Variants in DSCAML1 observed in about 807,000 individuals in gnomAD.
DSCAML1 encodes the protein cell adhesion molecule DSCAML1.
In DSCAML1, 38 loss-of-function variants were observed where a neutral mutation model predicts 200.5. The observed-to-expected ratio is 0.19, with a 90% confidence interval of 0.15 to 0.25. The LOEUF (loss-of-function observed/expected upper bound fraction) is 0.25, where lower values mean the gene tolerates loss of function less well. DSCAML1 is among the 10% of genes least tolerant of loss of function. The pLI, the probability that DSCAML1 is intolerant of heterozygous loss-of-function variation, is 1.00. For missense variants in DSCAML1, 2,223 were observed against 2,858.8 expected, an observed-to-expected ratio of 0.78 and a Z score of 5.07; for synonymous variants, 1,215 against 1,165.0, an observed-to-expected ratio of 1.04 and a Z score of -0.87.
intron 3 of DSCAML1, among the ~76,000 whole-genome samples, chr11:117,590,976 G>C (rs896514727): frequency 2.6e-5 from 4 of 152,170 alleles, no homozygotes; most frequent in Admixed American, 6.5e-5. Context: ...CAAAACAGGG[G>C]GAGTGATGAA....
At chr11:117,779,022 T>C (rs1044676848) in intron 2 of DSCAML1, among the ~76,000 whole-genome samples, 2 of 152,216 alleles carry the variant, frequency 1.3e-5, no homozygotes, top group African/African-American at 4.8e-5. Flanking sequence ...CCAGCTACTT[T>C]AAACCTTGCT....
intron 18 of DSCAML1, among the ~76,000 whole-genome samples, chr11:117,461,148 A>G (rs529796): frequency 0.63 from 95,304 of 150,154 alleles, 31,256 homozygotes; most frequent in East Asian, 0.91. Context: ...AGGAGTAGCT[A>G]GGTGTCTCCT....
At chr11:117,729,177 A>G (rs1299330858) in intron 3 of DSCAML1, among the ~76,000 whole-genome samples, 1 of 152,226 alleles carries the variant, frequency 6.6e-6, no homozygotes, top group Non-Finnish European at 1.5e-5. Flanking sequence ...GGAAAGGACA[A>G]TGTTTTCAAC....
chr11:117,429,569 T>A (rs1278017366), intron 32 of DSCAML1, among the ~76,000 whole-genome samples: 1 of 152,228 alleles, frequency 6.6e-6, no homozygotes, highest in Non-Finnish European at 1.5e-5. Context: ...AGATGGGGTT[T>A]TGCCATGTTG....
rs1458056788 is a variant in DSCAML1, at chr11:117,586,620, G to T, written c.512-54098C>A. On this transcript the variant is annotated intron_variant, in intron 3 of 32. Coordinates refer to ENST00000651296, the MANE Select transcript of DSCAML1 (RefSeq NM_020693.4). The stretch of plus-strand genomic sequence containing the variant: ...GATCTAGACAGGAGGCGGGAAGCAG[G>T]AGGATGACAGCGGGCCCAGTAGTGA... Among the ~76,000 whole-genome samples the T allele has an allele frequency of 2.0e-5, 3 of 152,194 alleles. 1 individual carries two copies. The East Asian group carries it at 5.8e-4, about 29-fold the overall frequency.
intron 1 of DSCAML1, among the ~76,000 whole-genome samples, chr11:117,811,239 G>A (rs2055758404): frequency 6.6e-6 from 1 of 152,002 alleles, no homozygotes; most frequent in African/African-American, 2.4e-5. Context: ...TGGCTCGTTC[G>A]GCAGCAACCC....
chr11:117,458,068 GC>G (rs1217175690), intron 19 of DSCAML1, among the ~76,000 whole-genome samples: 1 of 121,990 alleles, frequency 8.2e-6, no homozygotes, highest in Non-Finnish European at 1.9e-5. Context: ...CATGCACTGT[GC>G]CTCCCTGGCG....
intron 3 of DSCAML1, among the ~76,000 whole-genome samples, chr11:117,752,600 TTG>T (rs2054622195): frequency 6.6e-6 from 1 of 152,136 alleles, no homozygotes; most frequent in Admixed American, 6.5e-5. Flanking sequence ...TGGTGGTTGG[TTG>T]GAACTTGGGC....
chr11:117,767,414 C>G (rs968430313), intron 3 of DSCAML1, among the ~76,000 whole-genome samples: 1 of 152,216 alleles, frequency 6.6e-6, no homozygotes, highest in Non-Finnish European at 1.5e-5. Flanking sequence ...TCCTACAAAC[C>G]ATTCTTGCCA....
At chr11:117,461,401 G>T in intron 18 of DSCAML1, 49 bp downstream of exon 18, 1 of 1,612,490 alleles carries the variant, frequency 6.2e-7, no homozygotes, top group South Asian at 1.1e-5. Flanking sequence ...AGACTCCACT[G>T]ACCTGCGCCT....
rs751654112 is a variant in DSCAML1 at position 117,450,635 on chromosome 11, C to T, written c.3622G>A (p.Val1208Ile). 4.4e-5 allele frequency: 71 copies of T among 1,614,068 alleles called. No individual in the cohort carries two copies. The highest frequency in any genetic ancestry group is 5.8e-5 in the Non-Finnish European group (69 of 1,180,040). The change falls in exon 20 of 33, where the codon GTT becomes ATT. Residue 1208 changes from valine to isoleucine, a missense_variant. Val to Ile is a conservative substitution (Grantham distance 29). This residue lies in a region of DSCAML1 where 438 missense variants were observed against 629.7 expected (regional missense o/e 0.70). Transcript: ENST00000651296. ...TTGGTAGGGGGGAGCCAAGACACAA[C>T]CACACTGCTAGCTGATGAAGGGACA... The part of the protein sequence containing the change: ...KAVPSSASSV[V>I]VSWLPPTKPN...
intron 3 of DSCAML1, among the ~76,000 whole-genome samples, chr11:117,726,656 T>C (rs558235807): frequency 2.3e-4 from 35 of 152,102 alleles, no homozygotes; most frequent in African/African-American, 8.2e-4. Context: ...CAAGATCTAG[T>C]GTTCAAGCCA....
rs563270840 is a variant in DSCAML1 at position 117,645,888 on chromosome 11, C to T, written c.512-113366G>A. Among the ~76,000 whole-genome samples the T allele has an allele frequency of 4.0e-5, 6 of 151,776 alleles. No homozygotes were observed. The East Asian group carries it at 1.2e-3, about 29-fold the overall frequency. On this transcript the variant is annotated intron_variant, in intron 3 of 32. Transcript: ENST00000651296. ...TACATTGTGCACATGTACCCTAAAA[C>T]TTAAAGTATAATAATAAATAAATAA...
intron 16 of DSCAML1, among the ~76,000 whole-genome samples, chr11:117,467,248 C>T (rs550227488): frequency 7.0e-6 from 1 of 142,676 alleles, no homozygotes; most frequent in East Asian, 2.1e-4. Context: ...ACCAGGAACA[C>T]GTATCCAGAC....
intron 1 of DSCAML1, chr11:117,817,384 G>C (rs1337270005): frequency 1.3e-5 from 2 of 152,726 alleles, no homozygotes; most frequent in Admixed American, 6.5e-5. Context: ...ACCTGGACAT[G>C]CTCACCTACT....
chr11:117,804,897 C>T (rs951336218), intron 1 of DSCAML1, among the ~76,000 whole-genome samples: 2 of 151,964 alleles, frequency 1.3e-5, no homozygotes, highest in African/African-American at 4.8e-5. Flanking sequence ...TACCACTGTG[C>T]TCCAGACTGG....
At chr11:117,711,953 G>A (rs2053856844) in intron 3 of DSCAML1, among the ~76,000 whole-genome samples, 3 of 152,194 alleles carry the variant, frequency 2.0e-5, no homozygotes, top group African/African-American at 7.2e-5. Context: ...ATCCTCAGCT[G>A]AAGATGGCAA....
rs753158781 is a variant in DSCAML1 at position 117,518,682 on chromosome 11, T to G, written c.1294A>C (p.Lys432Gln). ...GTGACCGTGGGGGGCGGGGCGCCCT[T>G]GGCCGCACACATCAGTGAGAACTGC... ...GEQFSLMCAA[K>Q]GAPPPTVTWA... The change falls in exon 7 of 33, where the codon AAG becomes CAG. Residue 432 changes from lysine (K) to glutamine (Q), a missense_variant. Physicochemically the swap from Lys to Gln is moderately conservative, Grantham distance 53. Around this residue, in one of 7 missense-constraint regions of DSCAML1, gnomAD observed 579 missense variants for 721.5 expected, o/e 0.80. Transcript: ENST00000651296. This position sits in a 1 kb window ranked among gnomAD's most constrained non-coding sequence, Gnocchi z 6.3. The G allele has an allele frequency of 1.9e-6, 3 of 1,613,388 alleles. No homozygotes were observed. The highest frequency in any genetic ancestry group is 2.5e-6 in the Non-Finnish European group (3 of 1,179,972).
Position 117,780,235 on chromosome 11 carries a change from A to G in DSCAML1, c.364+258T>C, listed in dbSNP as rs374409883. ...AGAGAGAGAGAAAGAAAGAAAGGAA[A>G]GAAAGAAAGAAAGAAAGAAAGAAAG... On this transcript the variant is annotated intron_variant, in intron 2 of 32. Transcript: ENST00000651296. The surrounding 1 kb of genome is among the most constrained non-coding windows in gnomAD (Gnocchi z 4.8). Among the ~76,000 whole-genome samples, 7,356 of 48,292 alleles carry G rather than the reference A, an allele frequency of 0.15. 286 individuals carry two copies. Among genetic ancestry groups the G allele is most frequent in the Middle Eastern group, 0.21 (23 of 108 alleles). 31.7% of individuals were successfully genotyped at this position (48,292 alleles called of 152,430 possible). A position where few individuals can be genotyped will look rare whatever the true frequency, so the allele number is the denominator to read the frequency against.
Sources: gnomAD v4.1 joint callset for allele counts (sites outside exome capture counted in the v4.1 genomes callset) on GRCh38, gnomAD v4.1.1 for gene constraint, gnomAD v4.1.1 regional missense constraint, Gnocchi (gnomAD v3.1) non-coding constraint, MANE v1.5 for transcripts, NCBI Gene and HGNC (gene_info 2026-07-23, HGNC 2026-07-21) for gene names.